Variants in VANGL1 observed in about 807,000 individuals in gnomAD.
VANGL1 encodes the protein vang-like protein 1.
In VANGL1, 18 loss-of-function variants were observed where a neutral mutation model predicts 48.4. The observed-to-expected ratio is 0.37, with a 90% CI of 0.26 to 0.55. The LOEUF (loss-of-function observed/expected upper bound fraction) is 0.55, where lower values mean the gene tolerates loss of function less well. VANGL1 is among the 20% of genes least tolerant of loss of function. The pLI, the probability that VANGL1 is intolerant of heterozygous loss-of-function variation, is 0.81. For missense variants in VANGL1, 667 were observed against 675.8 expected, an observed-to-expected ratio of 0.99 and a Z score of 0.14; for synonymous variants, 257 against 261.8, an observed-to-expected ratio of 0.98 and a Z score of 0.18.
intron 1 of VANGL1, 83 bp from the exon 2 acceptor site, chr1:115,651,194 G>A (rs190129771): frequency 1.8e-6 from 1 of 560,258 alleles, no homozygotes; most frequent in Non-Finnish European, 3.2e-6. Context: ...CCAGAGAGGA[G>A]GTGTGGCTTT....
At chr1:115,671,911 G>T (rs1180552335) in intron 4 of VANGL1, among the ~76,000 whole-genome samples, 1 of 152,248 alleles carries the variant, frequency 6.6e-6, no homozygotes, top group Admixed American at 6.5e-5. Flanking sequence ...TCCTCAGGAG[G>T]AGACCAGCAG....
intron 4 of VANGL1, among the ~76,000 whole-genome samples, chr1:115,668,765 T>C (rs1313286646): frequency 6.6e-6 from 1 of 152,236 alleles, no homozygotes; most frequent in Admixed American, 6.5e-5. Flanking sequence ...CTCCTTCTCA[T>C]GGCCTCTCCT....
intron 3 of VANGL1, among the ~76,000 whole-genome samples, chr1:115,661,413 A>G: frequency 6.6e-6 from 1 of 152,042 alleles, no homozygotes; most frequent in Non-Finnish European, 1.5e-5. Flanking sequence ...CTGTTTTTGA[A>G]TTTAGTATAA....
intron 3 of VANGL1, among the ~76,000 whole-genome samples, chr1:115,660,023 G>A (rs549205100): frequency 2.0e-5 from 3 of 152,256 alleles, no homozygotes; most frequent in African/African-American, 7.2e-5. Context: ...CAAGGTTGAC[G>A]ACAGGGTTGG....
chr1:115,690,895 G>C (rs1168998787), intron 7 of VANGL1, among the ~76,000 whole-genome samples: 1 of 152,224 alleles, frequency 6.6e-6, no homozygotes, highest in African/African-American at 2.4e-5. Flanking sequence ...GCGCTTGGTG[G>C]ATAGTAGGTA....
rs570169479 is a variant in VANGL1, at chr1:115,693,901, A to G, written c.*2522A>G. ...CTGGTAGAATGTATGTTCACATTAT[A>G]GTAGACAGGATTTCATTTGCCTTAT... is the stretch of plus-strand genomic sequence containing the variant. On this transcript the variant is annotated 3_prime_UTR_variant, in exon 8 of 8. Coordinates refer to ENST00000355485, the MANE Select transcript of VANGL1 (RefSeq NM_138959.3). The G allele has an allele frequency of 1.3e-5, 2 of 152,376 alleles. No individual in the cohort carries two copies. The highest frequency in any genetic ancestry group is 1.3e-4 in the Admixed American group (2 of 15,308). The allele number at this position is 152,376 out of a possible 1,614,324, so 9.4% of individuals were successfully genotyped here.
At chr1:115,645,658 C>T (rs1451097119) in intron 1 of VANGL1, among the ~76,000 whole-genome samples, 1 of 152,158 alleles carries the variant, frequency 6.6e-6, no homozygotes, top group Admixed American at 6.5e-5. Context: ...TCAATTGTCA[C>T]TTTCCCCTTG....
chr1:115,682,656 G>A (rs1419758264), intron 5 of VANGL1, among the ~76,000 whole-genome samples, 159 bp downstream of exon 5: 1 of 152,154 alleles, frequency 6.6e-6, no homozygotes, highest in Non-Finnish European at 1.5e-5. Context: ...GCAGACACAT[G>A]TTTAGAGGAA....
chr1:115,669,513 C>G (rs2101012144), intron 4 of VANGL1, among the ~76,000 whole-genome samples: 1 of 152,284 alleles, frequency 6.6e-6, no homozygotes, highest in South Asian at 2.1e-4. Context: ...AGTGGGAGTT[C>G]ATTGAATCAC....
intron 3 of VANGL1, among the ~76,000 whole-genome samples, chr1:115,661,684 A>G (rs1286361232): frequency 3.3e-5 from 5 of 151,710 alleles, no homozygotes; most frequent in Non-Finnish European, 5.9e-5. Flanking sequence ...GCGGCATGAT[A>G]TCACCTCACT....
At chr1:115,648,259 A>G (rs1652012275) in intron 1 of VANGL1, among the ~76,000 whole-genome samples, 1 of 152,186 alleles carries the variant, frequency 6.6e-6, no homozygotes, top group South Asian at 2.1e-4. Flanking sequence ...GCACTGGGGG[A>G]GGAGGACAAG....
At chr1:115,679,875 T>C (rs1653311478) in intron 4 of VANGL1, among the ~76,000 whole-genome samples, 1 of 152,064 alleles carries the variant, frequency 6.6e-6, no homozygotes, top group South Asian at 2.1e-4. Flanking sequence ...CCAGTGGGTC[T>C]GTGTGTATAA....
chr1:115,661,243 A>G (rs10801911), intron 3 of VANGL1, among the ~76,000 whole-genome samples: 30,111 of 151,978 alleles, frequency 0.2, 3,576 homozygotes, highest in African/African-American at 0.32. Context: ...TTCTTCTAAG[A>G]ACCTGAAGCT....
rs992645704 is a variant in VANGL1 at position 115,694,292 on chromosome 1, C to A, written c.*2913C>A. On this transcript the variant is annotated 3_prime_UTR_variant, in exon 8 of 8. Transcript: ENST00000355485. Reference sequence around the variant, plus strand: ...TGCCCAACTATCATCACCTCCCTTCCCCCGCCTCTGTTCTTGCCTTTTGAC... The same window carrying A: ...TGCCCAACTATCATCACCTCCCTTCACCCGCCTCTGTTCTTGCCTTTTGAC... The A allele has an allele frequency of 7.3e-4, 111 of 152,328 alleles. 1 individual carries two copies. Among genetic ancestry groups the A allele is most frequent in the African/African-American group, 2.5e-3 (105 of 41,572 alleles). 9.4% of individuals were successfully genotyped at this position (152,328 alleles called of 1,614,324 possible). A position where few individuals can be genotyped will look rare whatever the true frequency, so the allele number is the denominator to read the frequency against.
At position 115,698,098 on chromosome 1, in the gene VANGL1, C is replaced by T. The variant is rs1654093582; in HGVS notation, c.*6719C>T. 1 of 152,066 alleles carries T rather than the reference C, an allele frequency of 6.6e-6. No homozygotes were observed. The highest frequency in any genetic ancestry group is 6.5e-5 in the Admixed American group (1 of 15,270). The allele number at this position is 152,066 out of a possible 1,614,324, so 9.4% of individuals were successfully genotyped here. Reference sequence around the variant, plus strand: ...CTGATGGAATAGTGTACCTGTCACCCAAGTTATTTTGTTCCTTTTTGGGTC... The same window carrying T: ...CTGATGGAATAGTGTACCTGTCACCTAAGTTATTTTGTTCCTTTTTGGGTC... On this transcript the variant is annotated 3_prime_UTR_variant, in exon 8 of 8. Transcript: ENST00000355485.
At chr1:115,649,321 C>T (rs530058115) in intron 1 of VANGL1, among the ~76,000 whole-genome samples, 1 of 152,222 alleles carries the variant, frequency 6.6e-6, no homozygotes, top group Admixed American at 6.5e-5. Flanking sequence ...TAATAGGCTG[C>T]CTTGCTTCCT....
In VANGL1 at chr1:115,664,285, A is replaced by G. The variant is rs1254387877; in HGVS notation, c.812+17A>G. The G allele has an allele frequency of 6.2e-7, 1 of 1,612,464 alleles. No individual in the cohort carries two copies. The highest frequency in any genetic ancestry group is 8.5e-7 in the Non-Finnish European group (1 of 1,179,718). On this transcript the variant is annotated intron_variant, in intron 4 of 7. Transcript: ENST00000355485. ...ACACCTGAGGTAAGAGGCAACATCC[A>G]GGAGGCAGAAAGGATGGCTGATGTC... is the stretch of plus-strand genomic sequence containing the variant.
chr1:115,682,408 A>T lies in VANGL1; in HGVS notation c.857A>T (p.Asp286Val). 1 of 1,614,174 alleles carries T rather than the reference A, an allele frequency of 6.2e-7. No individual in the cohort carries two copies. ...GTGGTCCTAGAAAATTACTACAAAGATTTCACCATCTATAACCCAAACCTC... is the reference window on the plus strand; with the variant it reads ...GTGGTCCTAGAAAATTACTACAAAGTTTTCACCATCTATAACCCAAACCTC... Reference protein sequence around the residue: ...ALVVLENYYKDFTIYNPNLLT... With the variant: ...ALVVLENYYKVFTIYNPNLLT... Residue 286 changes from aspartate to valine, a missense_variant, in exon 5 of 8, where the codon GAT becomes GTT. By Grantham distance (152) the Asp-to-Val change is radical (BLOSUM62 -3). Coordinates refer to ENST00000355485, the MANE Select transcript of VANGL1 (RefSeq NM_138959.3).
At chr1:115,681,601 G>T (rs1166057139) in intron 4 of VANGL1, among the ~76,000 whole-genome samples, 3 of 149,658 alleles carry the variant, frequency 2.0e-5, no homozygotes, top group Non-Finnish European at 3.0e-5. Context: ...CCGCCTCCTG[G>T]GTTCAAGTGA....
Sources: allele counts gnomAD v4.1 joint callset (sites outside exome capture counted in the v4.1 genomes callset), GRCh38; gene constraint gnomAD v4.1.1; transcripts MANE v1.5; gene names NCBI Gene and HGNC (gene_info 2026-07-23, HGNC 2026-07-21).